Variants in SMARCAL1 observed in about 807,000 individuals in gnomAD.
SMARCAL1 encodes SNF2 related chromatin remodeling annealing helicase 1.
In SMARCAL1, 58 loss-of-function variants were observed where a neutral mutation model predicts 94.5. The ratio of observed to expected loss-of-function variants is 0.61; its 90% CI spans 0.50 to 0.76. The LOEUF (loss-of-function observed/expected upper bound fraction) is 0.76. Ranked by LOEUF, SMARCAL1 falls within the 30% of genes least tolerant of loss-of-function variation. SMARCAL1 has a pLI of 0.00. For missense variants in SMARCAL1, 1,051 were observed against 1,177.9 expected, an observed-to-expected ratio of 0.89 and a Z score of 1.58; for synonymous variants, 422 against 455.1, an observed-to-expected ratio of 0.93 and a Z score of 0.93.
intron 8 of SMARCAL1, among the ~76,000 whole-genome samples, chr2:216,434,323 A>T (rs1034074022): frequency 6.6e-6 from 1 of 152,176 alleles, no homozygotes; most frequent in Non-Finnish European, 1.5e-5. Flanking sequence ...AGAGATGCTC[A>T]GATTGCCAGA....
intron 5 of SMARCAL1, among the ~76,000 whole-genome samples, chr2:216,420,973 A>G (rs1341441600): frequency 6.6e-6 from 1 of 152,138 alleles, no homozygotes; most frequent in Non-Finnish European, 1.5e-5. Flanking sequence ...GGGCCCCACT[A>G]CTGGAGTTTC....
At position 216,475,528 on chromosome 2, in the gene SMARCAL1, G is replaced by A; in HGVS notation, c.2427+77G>A. ...GCAGGAAGCAGTGAGTGTCGGTCGG[G>A]GAAAGTGTGGTTTCCCTTTTATCCA... On this transcript the variant is annotated intron_variant, in intron 15 of 17. Transcript: ENST00000357276. The surrounding 1 kb of genome is among the most constrained non-coding windows in gnomAD (Gnocchi z 4.4). The A allele has an allele frequency of 1.4e-6, 2 of 1,469,680 alleles. No homozygotes were observed. Among genetic ancestry groups the A allele is most frequent in the African/African-American group, 1.4e-5 (1 of 72,128 alleles). The allele number at this position is 1,469,680 out of a possible 1,614,324, so 91.0% of individuals were successfully genotyped here. A position where few individuals can be genotyped will look rare whatever the true frequency, so the allele number is the denominator to read the frequency against.
chr2:216,415,057 C>G lies in SMARCAL1; in HGVS notation c.353C>G (p.Ala118Gly), dbSNP rs776290743. Residue 118 changes from alanine (A) to glycine (G), a missense_variant, in exon 3 of 18, where the codon GCT becomes GGT. Coordinates refer to ENST00000357276, the MANE Select transcript of SMARCAL1 (RefSeq NM_014140.4). ...CPGHSPRSQM[A>G]LTGISPPLAQ... is the part of the protein sequence containing the mutation. The stretch of plus-strand genomic sequence containing the variant: ...GGCCACAGTCCACGTAGTCAAATGG[C>G]TCTCACTGGAATCTCTCCTCCCTTG... 5.6e-6 allele frequency: 9 copies of G among 1,614,082 alleles called. No individual in the cohort carries two copies. The African/African-American group carries it at 8.0e-5, about 14-fold the overall frequency.
chr2:216,460,575 C>G (rs889588699), intron 12 of SMARCAL1, among the ~76,000 whole-genome samples: 2 of 146,996 alleles, frequency 1.4e-5, no homozygotes, highest in African/African-American at 4.9e-5. Flanking sequence ...TCTCAGCAAA[C>G]TATCGCAAGG....
chr2:216,450,899 C>G lies in SMARCAL1; in HGVS notation c.1905C>G (p.Leu635=). The G allele has an allele frequency of 6.2e-7, 1 of 1,614,222 alleles. No individual in the cohort carries two copies. Among genetic ancestry groups the G allele is most frequent in the Non-Finnish European group, 8.5e-7 (1 of 1,180,034 alleles). The stretch of plus-strand genomic sequence containing the variant: ...CCTCCAACCTGGGAGAGCTGAAGCT[C>G]CTGCTGGAGGAAGCAGTCATGCTGC... ...SGSSNLGELK[L]LLEEAVMLRR... Residue 635 remains leucine (L), a synonymous_variant, in exon 12 of 18, where the codon CTC becomes CTG. Coordinates refer to ENST00000357276, the MANE Select transcript of SMARCAL1 (RefSeq NM_014140.4).
At chr2:216,424,878 T>C (rs1438741273) in intron 6 of SMARCAL1, among the ~76,000 whole-genome samples, 1 of 152,200 alleles carries the variant, frequency 6.6e-6, no homozygotes, top group Admixed American at 6.5e-5. Context: ...TGGCTGCTAC[T>C]ATTTGGAACT....
intron 7 of SMARCAL1, among the ~76,000 whole-genome samples, chr2:216,431,234 C>G (rs907430712): frequency 1.3e-5 from 2 of 152,172 alleles, no homozygotes; most frequent in African/African-American, 4.8e-5. Context: ...GCAAGTGCAG[C>G]CTAGACTTCT....
intron 10 of SMARCAL1, among the ~76,000 whole-genome samples, chr2:216,445,959 T>A (rs1324064777): frequency 6.6e-6 from 1 of 152,240 alleles, no homozygotes. Flanking sequence ...TTACATGCAA[T>A]TGCCTTGTAT....
chr2:216,477,582 T>G (rs1397944648), intron 16 of SMARCAL1, among the ~76,000 whole-genome samples: 1 of 152,230 alleles, frequency 6.6e-6, no homozygotes, highest in Admixed American at 6.5e-5. Flanking sequence ...TTACCTTTTA[T>G]GATGTGCATT....
rs1420257224 is a variant in SMARCAL1, at chr2:216,423,597, G to A, written c.1097-36G>A. ...TGTGATCACGTAGCAGAAGGGCAGG[G>A]TGTCCTATTTGCTTATTTATTTCTT... On this transcript the variant is annotated intron_variant, in intron 5 of 17. Coordinates refer to ENST00000357276, the MANE Select transcript of SMARCAL1 (RefSeq NM_014140.4). 18 of 1,557,238 alleles carry A rather than the reference G, an allele frequency of 1.2e-5. No homozygotes were observed. The South Asian group carries it at 1.8e-4, about 15-fold the overall frequency.
intron 12 of SMARCAL1, among the ~76,000 whole-genome samples, chr2:216,456,460 C>T (rs1445526051): frequency 2.6e-5 from 4 of 152,150 alleles, no homozygotes; most frequent in African/African-American, 9.7e-5. Context: ...GTTGGGTTAC[C>T]CACAAAGGGA....
In SMARCAL1 at chr2:216,454,274, G is replaced by GT. The variant is rs996597133; in HGVS notation, c.2070+3217dup. Reference sequence around the variant, plus strand: ...TATTAGGTCTGCACAGTTTGGGGGAGTTTTTTTAAAGCTGAAACTATTGAT... The same window carrying GT: ...TATTAGGTCTGCACAGTTTGGGGGAGTTTTTTTTAAAGCTGAAACTATTGAT... On this transcript the variant is annotated intron_variant, in intron 12 of 17. Transcript: ENST00000357276. 5.9e-5 allele frequency among the ~76,000 whole-genome samples: 9 copies of GT among 152,252 alleles called. No individual in the cohort carries two copies. The South Asian group carries it at 1.5e-3, about 25-fold the overall frequency.
intron 12 of SMARCAL1, chr2:216,451,605 G>A (rs755222172): frequency 1.8e-5 from 3 of 169,102 alleles, no homozygotes; most frequent in African/African-American, 7.2e-5. Context: ...TACAGAGAGG[G>A]AAACTGAGGC....
At chr2:216,465,957 C>T (rs527556614) in intron 13 of SMARCAL1, among the ~76,000 whole-genome samples, 1 of 152,296 alleles carries the variant, frequency 6.6e-6, no homozygotes, top group South Asian at 2.1e-4. Flanking sequence ...GGCCTCCTCC[C>T]CTTCACCTCC....
Position 216,420,447 on chromosome 2 carries a change from C to T in SMARCAL1, c.1011C>T (p.Leu337=), listed in dbSNP as rs1693694420. ...CATTTGTCAAAGGGCGATGCATGCT[C>T]ATCTCCAGGGCCTACTTCGAGGCAG... is the stretch of plus-strand genomic sequence containing the variant. ...SLSFVKGRCM[L]ISRAYFEADI... is the part of the protein sequence containing the mutation. Residue 337 remains leucine, a synonymous_variant, in exon 5 of 18, where the codon CTC becomes CTT. Coordinates refer to ENST00000357276, the MANE Select transcript of SMARCAL1 (RefSeq NM_014140.4). The T allele has an allele frequency of 6.2e-7, 1 of 1,614,190 alleles. No individual in the cohort carries two copies.
At chr2:216,457,656 C>T (rs1694600378) in intron 12 of SMARCAL1, among the ~76,000 whole-genome samples, 1 of 152,152 alleles carries the variant, frequency 6.6e-6, no homozygotes, top group African/African-American at 2.4e-5. Flanking sequence ...AAAGACAGAA[C>T]ATACCAGAAT....
Position 216,438,452 on chromosome 2 carries a change from T to G in SMARCAL1, c.1677T>G (p.Thr559=), listed in dbSNP as rs772822180. 9.3e-6 allele frequency: 15 copies of G among 1,614,032 alleles called. No individual in the cohort carries two copies. The highest frequency in any genetic ancestry group is 2.2e-5 in the East Asian group (1 of 44,890). Residue 559 remains threonine (T), a synonymous_variant, in exon 10 of 18, where the codon ACT becomes ACG. Transcript: ENST00000357276. ...CTCACTTCCTCAAAAACAGTAGGAC[T>G]GCCCGCTGTCGAGCAGCTATGCCGG... ...DESHFLKNSR[T]ARCRAAMPVL...
intron 6 of SMARCAL1, 150 bp from the exon 7 acceptor site, chr2:216,428,446 G>T: frequency 1.4e-6 from 1 of 729,970 alleles, no homozygotes; most frequent in Non-Finnish European, 2.4e-6. Flanking sequence ...TTGGGTTAAT[G>T]GTCCTGACTA....
At chr2:216,440,867 G>T (rs1196572106) in intron 10 of SMARCAL1, among the ~76,000 whole-genome samples, 1 of 152,128 alleles carries the variant, frequency 6.6e-6, no homozygotes, top group Non-Finnish European at 1.5e-5. Context: ...TTCCTCCCCA[G>T]TCATGACAAC....
Sources: gnomAD v4.1 joint callset for allele counts (sites outside exome capture counted in the v4.1 genomes callset) on GRCh38, gnomAD v4.1.1 for gene constraint, Gnocchi (gnomAD v3.1) non-coding constraint, MANE v1.5 for transcripts, NCBI Gene and HGNC (gene_info 2026-07-23, HGNC 2026-07-21) for gene names.